Variants in NUP188 observed in about 807,000 individuals in gnomAD.
NUP188 encodes the protein nucleoporin NUP188.
In NUP188, 97 loss-of-function variants were observed where a neutral mutation model predicts 223.0. The ratio of observed to expected loss-of-function variants is 0.43; its 90% confidence interval spans 0.37 to 0.51. The LOEUF is 0.51. Among genes scored for constraint, NUP188 ranks in the 20% least tolerant of loss-of-function variants. NUP188 has a pLI of 0.00. For missense variants in NUP188, 1,947 were observed against 2,175.6 expected, an observed-to-expected ratio of 0.89 and a Z score of 2.09; for synonymous variants, 869 against 828.0, an observed-to-expected ratio of 1.05 and a Z score of -0.85.
chr9:128,987,082 A>AGT (rs1842344276), intron 22 of NUP188, among the ~76,000 whole-genome samples: 1 of 131,766 alleles, frequency 7.6e-6, no homozygotes, highest in Admixed American at 7.5e-5. Flanking sequence ...AGAGAGAGAG[A>AGT]GAGAGAGTGT....
chr9:128,948,006 G>A, intron 1 of NUP188: 1 of 378,248 alleles, frequency 2.6e-6, no homozygotes, highest in Non-Finnish European at 4.7e-6. Flanking sequence ...CTCACCCAGG[G>A]CCCTTTGCCT....
chr9:128,994,742 G>T (rs1296190616), intron 28 of NUP188, 114 bp from the exon 29 acceptor site: 7 of 864,682 alleles, frequency 8.1e-6, no homozygotes, highest in Admixed American at 1.9e-5. Flanking sequence ...ATTCAACAGG[G>T]GTTGTGCTAA....
chr9:128,967,610 T>C (rs1288006385), intron 8 of NUP188, among the ~76,000 whole-genome samples: 1 of 151,722 alleles, frequency 6.6e-6, no homozygotes, highest in African/African-American at 2.4e-5. Context: ...GCCAACATAG[T>C]GAAACCCTGT....
At chr9:128,949,646 G>T (rs975813907) in intron 2 of NUP188, among the ~76,000 whole-genome samples, 3 of 151,058 alleles carry the variant, frequency 2.0e-5, no homozygotes, top group African/African-American at 7.3e-5. Context: ...TATTTATTTT[G>T]AGATGGAGTT....
Position 128,999,199 on chromosome 9 carries a change from T to C in NUP188, c.3543T>C (p.Leu1181=), listed in dbSNP as rs1489882360. The stretch of plus-strand genomic sequence containing the variant: ...AGTTAGGTTCTGTGGATGAAATCCT[T>C]GGACCCTTGACGGAGATCCTGGAGG... ...KRELGSVDEI[L]GPLTEILEGV... is the part of the protein sequence containing the mutation. The change falls in exon 33 of 44, where the codon CTT becomes CTC. Residue 1181 remains leucine (L), a synonymous_variant. Coordinates refer to ENST00000372577, the MANE Select transcript of NUP188 (RefSeq NM_015354.3). 1 of 1,614,190 alleles carries C rather than the reference T, an allele frequency of 6.2e-7. No homozygotes were observed. Among genetic ancestry groups the C allele is most frequent in the Non-Finnish European group, 8.5e-7 (1 of 1,180,028 alleles).
At chr9:128,975,609 T>C (rs915642770) in intron 12 of NUP188, among the ~76,000 whole-genome samples, 1 of 151,394 alleles carries the variant, frequency 6.6e-6, no homozygotes, top group Non-Finnish European at 1.5e-5. Context: ...CAAGTCTGCC[T>C]CCTGGGTTCA....
intron 1 of NUP188, chr9:128,948,677 C>G (rs988995138): frequency 7.4e-6 from 1 of 134,948 alleles, no homozygotes; most frequent in African/African-American, 2.8e-5. Context: ...ATCCCCGTCT[C>G]TTATCCTTCC....
At position 129,001,524 on chromosome 9, in the gene NUP188, G is replaced by C; in HGVS notation, c.3844-5G>C. ...CCCCTTTTACTCATCTTTGCCTCTG[G>C]GCAGGTGTGTGTCCTGGGCCTGCAC... is the stretch of plus-strand genomic sequence containing the variant. On this transcript the variant is annotated splice_region_variant and splice_polypyrimidine_tract_variant and intron_variant, in intron 34 of 43. Transcript: ENST00000372577. 6.2e-7 allele frequency: 1 copy of C among 1,611,688 alleles called. No homozygotes were observed. The highest frequency in any genetic ancestry group is 8.5e-7 in the Non-Finnish European group (1 of 1,178,490).
chr9:128,957,501 G>A (rs943245341), intron 5 of NUP188, among the ~76,000 whole-genome samples: 7 of 151,684 alleles, frequency 4.6e-5, no homozygotes, highest in Non-Finnish European at 1.0e-4. Context: ...GTTTCGCTCT[G>A]TCTCCCAGGC....
At chr9:129,002,645 C>T (rs1322772076) in intron 36 of NUP188, among the ~76,000 whole-genome samples, 172 bp from the exon 37 acceptor site, 1 of 152,248 alleles carries the variant, frequency 6.6e-6, no homozygotes, top group Non-Finnish European at 1.5e-5. Context: ...GGTGCTCTTT[C>T]CTTGAATCTG....
At chr9:128,998,424 C>T (rs1842569377) in intron 31 of NUP188, 114 bp from the exon 32 acceptor site, 1 of 1,073,114 alleles carries the variant, frequency 9.3e-7, no homozygotes, top group East Asian at 2.4e-5. Context: ...TCCCCCTCCA[C>T]TCCACTCCTG....
At chr9:129,001,088 G>A (rs1313524358) in intron 34 of NUP188, among the ~76,000 whole-genome samples, 1 of 152,122 alleles carries the variant, frequency 6.6e-6, no homozygotes, top group Non-Finnish European at 1.5e-5. Context: ...AGGTTGAAAG[G>A]CCACTGGTAC....
chr9:128,994,526 G>A, intron 28 of NUP188, 84 bp downstream of exon 28: 1 of 888,572 alleles, frequency 1.1e-6, no homozygotes, highest in South Asian at 1.4e-5. Flanking sequence ...CGTAGACAAT[G>A]ATACCTCCCC....
At chr9:128,995,760 G>T (rs1222538977) in intron 30 of NUP188, among the ~76,000 whole-genome samples, 2 of 152,290 alleles carry the variant, frequency 1.3e-5, no homozygotes, top group African/African-American at 4.8e-5. Context: ...AAAGCCTCCT[G>T]TACCTCCCTT....
At position 128,986,744 on chromosome 9, in the gene NUP188, C is replaced by T. The variant is rs575912221; in HGVS notation, c.2198-65C>T. 5 of 1,613,186 alleles carry T rather than the reference C, an allele frequency of 3.1e-6. No homozygotes were observed. The Admixed American group carries it at 6.7e-5, about 22-fold the overall frequency. On this transcript the variant is annotated intron_variant, in intron 21 of 43. Coordinates refer to ENST00000372577, the MANE Select transcript of NUP188 (RefSeq NM_015354.3). Reference sequence around the variant, plus strand: ...CCCCACTGGAGAGCTTTTTTCTTTCCCTTTCTTGAGATAAGGGGTCATTTC... The same window carrying T: ...CCCCACTGGAGAGCTTTTTTCTTTCTCTTTCTTGAGATAAGGGGTCATTTC...
intron 8 of NUP188, among the ~76,000 whole-genome samples, chr9:128,967,986 G>T (rs1296501001): frequency 6.6e-6 from 1 of 152,102 alleles, no homozygotes; most frequent in African/African-American, 2.4e-5. Flanking sequence ...GGTTGGCTGG[G>T]CACAGTGGCT....
chr9:128,958,850 T>C lies in NUP188; in HGVS notation c.421T>C (p.Leu141=), dbSNP rs777879123. The C allele has an allele frequency of 6.2e-6, 10 of 1,602,326 alleles. No individual in the cohort carries two copies. In the Admixed American group the frequency reaches 1.7e-4, roughly 27 times the overall value. The change falls in exon 7 of 44, where the codon TTA becomes CTA. Residue 141 remains leucine (L), a synonymous_variant. Coordinates refer to ENST00000372577, the MANE Select transcript of NUP188 (RefSeq NM_015354.3). Reference sequence around the variant, plus strand: ...AAGAACCTGTATTCTTCGTTGTGTCTTACACCTTCTCACTTACTTCCAAGA... The same window carrying C: ...AAGAACCTGTATTCTTCGTTGTGTCCTACACCTTCTCACTTACTTCCAAGA... ...EERTCILRCV[L]HLLTYFQDER...
intron 12 of NUP188, among the ~76,000 whole-genome samples, chr9:128,974,040 A>G (rs1037438922): frequency 6.6e-6 from 1 of 152,010 alleles, no homozygotes; most frequent in South Asian, 2.1e-4. Context: ...CCTCTTAAAT[A>G]GCTGGGATTA....
In NUP188 at chr9:128,994,840, T is replaced by G; in HGVS notation, c.3088-16T>G. The G allele has an allele frequency of 6.2e-7, 1 of 1,609,930 alleles. No homozygotes were observed. Among genetic ancestry groups the G allele is most frequent in the Non-Finnish European group, 8.5e-7 (1 of 1,176,304 alleles). On this transcript the variant is annotated splice_polypyrimidine_tract_variant and intron_variant, in intron 28 of 43. Coordinates refer to ENST00000372577, the MANE Select transcript of NUP188 (RefSeq NM_015354.3). ...GATCAGAGATGTGATAATTGCCTGT[T>G]CTGCTATCTCCACAGCCCAGCATCC...
Sources: allele counts gnomAD v4.1 joint callset (sites outside exome capture counted in the v4.1 genomes callset), GRCh38; gene constraint gnomAD v4.1.1; transcripts MANE v1.5; gene names NCBI Gene and HGNC (gene_info 2026-07-23, HGNC 2026-07-21).